Variants in TRARG1 observed in about 807,000 individuals in gnomAD.
TRARG1 encodes trafficking regulator of GLUT4 1.
In TRARG1, 16 loss-of-function variants were observed where a neutral mutation model predicts 13.3. The observed-to-expected ratio is 1.20, with a 90% CI of 0.81 to 1.83. TRARG1 has a LOEUF of 1.83. Ranked by LOEUF, TRARG1 falls within the 40% of genes most tolerant of loss-of-function variation. TRARG1 has a pLI of 0.00. For missense variants in TRARG1, 250 were observed against 237.4 expected, an observed-to-expected ratio of 1.05 and a Z score of -0.35; for synonymous variants, 113 against 106.2, an observed-to-expected ratio of 1.06 and a Z score of -0.39.
At chr17:1,291,881 GC>G (rs1567931905) in intron 1 of TRARG1, among the ~76,000 whole-genome samples, 1 of 152,172 alleles carries the variant, frequency 6.6e-6, no homozygotes, top group Non-Finnish European at 1.5e-5. Context: ...GACTGGCTGG[GC>G]CCAGTGGTTG....
At chr17:1,296,510 CTCTT>C (rs751254062) in intron 2 of TRARG1, among the ~76,000 whole-genome samples, 11 of 113,566 alleles carry the variant, frequency 9.7e-5, no homozygotes, top group Admixed American at 2.3e-4. Context: ...GAACCATTTT[CTCTT>C]TCTTTTTTTT....
At chr17:1,289,626 T>C (rs76600393) in intron 1 of TRARG1, among the ~76,000 whole-genome samples, 5,474 of 144,964 alleles carry the variant, frequency 0.038, 353 homozygotes, top group African/African-American at 0.13. Context: ...CTCCCACTCC[T>C]CCTCAGGCTC....
chr17:1,298,186 G>C (rs1038200480), intron 2 of TRARG1, 65 bp from the exon 3 acceptor site: 8 of 1,608,204 alleles, frequency 5.0e-6, no homozygotes, highest in Non-Finnish European at 6.0e-6. Context: ...AAATCCTCCA[G>C]TCAGGGACTT....
intron 1 of TRARG1, among the ~76,000 whole-genome samples, chr17:1,286,970 T>C (rs2072029848): frequency 6.6e-6 from 1 of 151,840 alleles, no homozygotes; most frequent in South Asian, 2.1e-4. Flanking sequence ...AGAGTTGCTG[T>C]GAGAGCAGGG....
intron 1 of TRARG1, among the ~76,000 whole-genome samples, chr17:1,280,979 G>A (rs1256617995): frequency 2.6e-5 from 4 of 152,316 alleles, no homozygotes; most frequent in Admixed American, 6.5e-5. Context: ...AGTTCCCTCC[G>A]GAGCCCTCTG....
intron 1 of TRARG1, among the ~76,000 whole-genome samples, chr17:1,283,307 G>T (rs1193874103): frequency 6.6e-6 from 1 of 152,182 alleles, no homozygotes; most frequent in South Asian, 2.1e-4. Context: ...ACAACACCAG[G>T]AGGGTGTGGG....
chr17:1,294,032 A>T (rs2072093541), intron 1 of TRARG1, among the ~76,000 whole-genome samples: 1 of 152,144 alleles, frequency 6.6e-6, no homozygotes, highest in Admixed American at 6.6e-5. Context: ...TCTTCATCAC[A>T]CTTAACTGCA....
intron 1 of TRARG1, among the ~76,000 whole-genome samples, chr17:1,284,949 G>C (rs1255014867): frequency 1.3e-5 from 2 of 152,002 alleles, no homozygotes; most frequent in African/African-American, 2.4e-5. Context: ...CAAAGTGCTG[G>C]GATTACAGGC....
At position 1,280,189 on chromosome 17, in the gene TRARG1, AG is replaced by A; in HGVS notation, c.190del (p.Ala64ProfsTer105). The A allele has an allele frequency of 6.2e-7, 1 of 1,614,002 alleles. No individual in the cohort carries two copies. On this transcript the variant is annotated frameshift_variant, in exon 1 of 3. Coordinates refer to ENST00000333813, the MANE Select transcript of TRARG1 (RefSeq NM_172367.3). LOFTEE classifies it high-confidence loss of function. ...LEQNSQGLPFKAISEGHLEAP... is the reference protein window; with the variant it reads ...LEQNSQGLPFXAISEGHLEAP... Reference sequence around the variant, plus strand: ...CAGAACAGCCAGGGCCTACCCTTCAAGGCCATCTCCGAGGGGCACCTGGAGG... The same window carrying A: ...CAGAACAGCCAGGGCCTACCCTTCAAGCCATCTCCGAGGGGCACCTGGAGG...
chr17:1,293,658 TG>T (rs2072090464), intron 1 of TRARG1, among the ~76,000 whole-genome samples: 1 of 152,116 alleles, frequency 6.6e-6, no homozygotes, highest in South Asian at 2.1e-4. Flanking sequence ...TGTCATGGGC[TG>T]GGTTTGATGA....
At chr17:1,284,829 C>CACT (rs1439346810) in intron 1 of TRARG1, among the ~76,000 whole-genome samples, 1 of 151,924 alleles carries the variant, frequency 6.6e-6, no homozygotes, top group Non-Finnish European at 1.5e-5. Flanking sequence ...TACAGGCGCC[C>CACT]GCCACCACAC....
intron 1 of TRARG1, among the ~76,000 whole-genome samples, chr17:1,289,828 C>T (rs1313357132): frequency 6.6e-6 from 1 of 152,132 alleles, no homozygotes; most frequent in Non-Finnish European, 1.5e-5. Flanking sequence ...CACCTCTGCC[C>T]AAATACAAGT....
At chr17:1,294,569 C>G (rs2072097327) in intron 1 of TRARG1, among the ~76,000 whole-genome samples, 2 of 148,328 alleles carry the variant, frequency 1.3e-5, no homozygotes, top group African/African-American at 2.5e-5. Context: ...GGGGTTCAAG[C>G]AATTCTCCTG....
intron 1 of TRARG1, among the ~76,000 whole-genome samples, chr17:1,281,380 G>GA (rs397802941): frequency 2.0e-5 from 3 of 151,034 alleles, no homozygotes; most frequent in Admixed American, 6.6e-5. Flanking sequence ...TGTGGAGGGG[G>GA]GTTCCCAAGA....
chr17:1,283,474 C>T (rs1453000899), intron 1 of TRARG1, among the ~76,000 whole-genome samples: 2 of 152,174 alleles, frequency 1.3e-5, no homozygotes, highest in African/African-American at 4.8e-5. Context: ...GTGCAACAAC[C>T]GCAGTCAATT....
At chr17:1,283,246 G>A (rs780437764) in intron 1 of TRARG1, among the ~76,000 whole-genome samples, 1 of 152,152 alleles carries the variant, frequency 6.6e-6, no homozygotes, top group Non-Finnish European at 1.5e-5. Context: ...ATGCCTGCAC[G>A]AGAGAGCCGT....
In TRARG1 at chr17:1,279,807, C is replaced by G. The variant is rs965768023; in HGVS notation, c.-195C>G. On this transcript the variant is annotated 5_prime_UTR_variant, in exon 1 of 3. Coordinates refer to ENST00000333813, the MANE Select transcript of TRARG1 (RefSeq NM_172367.3). Reference sequence around the variant, plus strand: ...AGCTCCGCGGGGGCAGCAGGCAGGCCCCAGCCTCTGAACTCAGCTGGCTTG... The same window carrying G: ...AGCTCCGCGGGGGCAGCAGGCAGGCGCCAGCCTCTGAACTCAGCTGGCTTG... The G allele has an allele frequency of 1.7e-6, 1 of 576,390 alleles. No individual in the cohort carries two copies. The highest frequency in any genetic ancestry group is 2.9e-6 in the Non-Finnish European group (1 of 343,922). 35.7% of individuals were successfully genotyped at this position (576,390 alleles called of 1,614,324 possible).
rs1431378779 is a variant in TRARG1, at chr17:1,280,037, A to T, written c.36A>T (p.Ala12=). 1 of 1,613,238 alleles carries T rather than the reference A, an allele frequency of 6.2e-7. No individual in the cohort carries two copies. Among genetic ancestry groups the T allele is most frequent in the South Asian group, 1.1e-5 (1 of 91,064 alleles). The part of the protein sequence containing the change: ...AHPVQSEFPS[A]QEPGSAAFLD... ...CGGTGCAGTCCGAGTTTCCTTCAGC[A>T]CAGGAGCCAGGCTCCGCCGCATTCC... Residue 12 remains alanine, a synonymous_variant, in exon 1 of 3, where the codon GCA becomes GCT. Transcript: ENST00000333813.
chr17:1,281,893 A>G (rs35891515), intron 1 of TRARG1, among the ~76,000 whole-genome samples: 36,542 of 151,926 alleles, frequency 0.24, 4,762 homozygotes, highest in East Asian at 0.43. Context: ...CAATGAGACC[A>G]CAGAACCTGC....
Sources: allele counts gnomAD v4.1 joint callset (sites outside exome capture counted in the v4.1 genomes callset), GRCh38; gene constraint gnomAD v4.1.1; transcripts MANE v1.5; gene names NCBI Gene and HGNC (gene_info 2026-07-23, HGNC 2026-07-21).